FGF10: variants seen among roughly 807,000 people sequenced by gnomAD.
FGF10 encodes the protein fibroblast growth factor 10, also known as FGF-10.
Under a neutral mutation model 19.8 loss-of-function variants are expected in FGF10, and 2 were observed. That is an observed-to-expected ratio of 0.10 (90% CI 0.04 to 0.32). FGF10 has a LOEUF of 0.32. Among genes scored for constraint, FGF10 ranks in the 10% least tolerant of loss-of-function variants. The pLI, the probability that FGF10 is intolerant of heterozygous loss-of-function variation, is 1.00. For synonymous variants in FGF10, 112 were observed against 94.0 expected (o/e 1.19, Z -1.10); for missense variants, 191 against 246.3 (o/e 0.78, Z 1.50).
intron 1 of FGF10, among the ~76,000 whole-genome samples, chr5:44,332,867 G>C (rs570616656): frequency 5.3e-4 from 80 of 152,110 alleles, no homozygotes; most frequent in African/African-American, 1.8e-3. Flanking sequence ...GAAGGAGGAG[G>C]AGGAGAGAAA....
intron 1 of FGF10, among the ~76,000 whole-genome samples, chr5:44,318,954 A>G (rs1740418528): frequency 6.6e-6 from 1 of 152,212 alleles, no homozygotes; most frequent in African/African-American, 2.4e-5. Context: ...AGAGTCAGAG[A>G]AGATTTCGAA....
rs879715782 is a variant in FGF10, at chr5:44,301,355, T to C, written c.*3640A>G. On this transcript the variant is annotated 3_prime_UTR_variant, in exon 3 of 3. Coordinates refer to ENST00000264664, the MANE Select transcript of FGF10 (RefSeq NM_004465.2). ...TACTTCACTGAATAATCACAAACCT[T>C]GAATTGGCAGCATCCAAATTATTAG... Among the ~76,000 whole-genome samples the C allele has an allele frequency of 6.6e-5, 10 of 152,162 alleles. No individual in the cohort carries two copies. The highest frequency in any genetic ancestry group is 1.5e-4 in the Non-Finnish European group (10 of 68,020).
intron 1 of FGF10, among the ~76,000 whole-genome samples, chr5:44,340,825 T>A (rs2166831): frequency 1.4e-5 from 2 of 146,030 alleles, no homozygotes. Flanking sequence ...TGTCCTTTGC[T>A]CAAAAGAAAA....
rs1247731587 is a variant in FGF10, at chr5:44,303,652, T to C, written c.*1343A>G. 2.0e-5 allele frequency: 3 copies of C among 152,232 alleles called. No individual in the cohort carries two copies. The highest frequency in any genetic ancestry group is 1.9e-4 in the East Asian group (1 of 5,200). The allele number at this position is 152,232 out of a possible 1,614,324, so 9.4% of individuals were successfully genotyped here. A position where few individuals can be genotyped will look rare whatever the true frequency, so the allele number is the denominator to read the frequency against. On this transcript the variant is annotated 3_prime_UTR_variant, in exon 3 of 3. Coordinates refer to ENST00000264664, the MANE Select transcript of FGF10 (RefSeq NM_004465.2). ...AATGAATTTTGATATGGTTACATTA[T>C]GGAACTTTGTAAAGCTCTTTAAATT...
At chr5:44,378,577 G>T (rs910088115) in intron 1 of FGF10, among the ~76,000 whole-genome samples, 1 of 151,960 alleles carries the variant, frequency 6.6e-6, no homozygotes, top group Non-Finnish European at 1.5e-5. Flanking sequence ...GACCACAGGC[G>T]CCCGCCACCG....
chr5:44,361,375 G>T (rs957014843), intron 1 of FGF10, among the ~76,000 whole-genome samples: 1 of 151,578 alleles, frequency 6.6e-6, no homozygotes, highest in Non-Finnish European at 1.5e-5. Flanking sequence ...GCCACTCAAG[G>T]GGTCCACCCA....
At chr5:44,366,695 T>C (rs552126299) in intron 1 of FGF10, among the ~76,000 whole-genome samples, 4 of 152,132 alleles carry the variant, frequency 2.6e-5, no homozygotes, top group South Asian at 4.1e-4. Flanking sequence ...TAGTACAAGG[T>C]TCGCCAAAAG....
chr5:44,322,394 G>A (rs1740514271), intron 1 of FGF10, among the ~76,000 whole-genome samples: 1 of 152,148 alleles, frequency 6.6e-6, no homozygotes, highest in South Asian at 2.1e-4. Flanking sequence ...GATTTATAAA[G>A]AGGCTGAGCC....
chr5:44,377,085 A>G (rs2111905031), intron 1 of FGF10, among the ~76,000 whole-genome samples: 1 of 152,132 alleles, frequency 6.6e-6, no homozygotes, highest in South Asian at 2.1e-4. Context: ...TTTCCTGAAA[A>G]CTTCATGTTT....
In FGF10 at chr5:44,310,428, G is replaced by T; in HGVS notation, c.428C>A (p.Ser143Ter). 1 of 1,599,602 alleles carries T rather than the reference G, an allele frequency of 6.3e-7. No individual in the cohort carries two copies. The highest frequency in any genetic ancestry group is 1.1e-5 in the South Asian group (1 of 90,776). The change falls in exon 2 of 3, where the codon TCA (serine) becomes TAA (stop). Residue 143 changes from serine (S) to a stop codon, truncating the protein, a stop_gained and splice_region_variant. Transcript: ENST00000264664. LOFTEE classifies it high-confidence loss of function. ...AMNKKGKLYG[S>*]KEFNNDCKLK... is the part of the protein sequence containing the mutation. ...TGAAAACAAAAGCAGAATACTTACT[G>T]AGCCATAGAGTTTCCCCTTCTTGTT...
At chr5:44,352,693 C>G (rs1312562193) in intron 1 of FGF10, among the ~76,000 whole-genome samples, 1 of 151,582 alleles carries the variant, frequency 6.6e-6, no homozygotes, top group East Asian at 1.9e-4. Flanking sequence ...ACATTTGATT[C>G]TACCAAGAGA....
intron 1 of FGF10, among the ~76,000 whole-genome samples, chr5:44,387,173 T>C (rs150841609): frequency 1.7e-3 from 256 of 152,284 alleles, no homozygotes; most frequent in Middle Eastern, 3.4e-3. Context: ...CAATCAATAG[T>C]GGATGAATAA....
intron 1 of FGF10, among the ~76,000 whole-genome samples, chr5:44,314,014 T>TC (rs1478540622): frequency 6.6e-6 from 1 of 152,042 alleles, no homozygotes; most frequent in East Asian, 1.9e-4. Flanking sequence ...AAGGGGACTA[T>TC]GGGGCAAAGG....
intron 1 of FGF10, among the ~76,000 whole-genome samples, chr5:44,316,726 C>T (rs945164287): frequency 6.6e-6 from 1 of 152,132 alleles, no homozygotes; most frequent in African/African-American, 2.4e-5. Flanking sequence ...AATTAGTAAC[C>T]TCATTTTTGA....
intron 1 of FGF10, among the ~76,000 whole-genome samples, chr5:44,384,294 G>A (rs762874453): frequency 1.3e-5 from 2 of 152,102 alleles, no homozygotes; most frequent in Non-Finnish European, 2.9e-5. Flanking sequence ...ATTGATGTAT[G>A]TGTATTTTGT....
chr5:44,364,189 T>C (rs1354107043), intron 1 of FGF10, among the ~76,000 whole-genome samples: 2 of 151,752 alleles, frequency 1.3e-5, no homozygotes, highest in African/African-American at 2.4e-5. Flanking sequence ...AAAGCAAAAG[T>C]GGAAAATTAC....
intron 1 of FGF10, among the ~76,000 whole-genome samples, chr5:44,359,167 T>C (rs780527896): frequency 2.0e-5 from 3 of 151,492 alleles, no homozygotes; most frequent in Non-Finnish European, 4.4e-5. Context: ...TAAGCACCTT[T>C]GGAGAGTGCT....
intron 1 of FGF10, among the ~76,000 whole-genome samples, chr5:44,332,790 C>T (rs553655174): frequency 1.2e-4 from 18 of 151,844 alleles, no homozygotes; most frequent in African/African-American, 4.1e-4. Context: ...ACATATTTGG[C>T]ACAGGATATG....
intron 1 of FGF10, among the ~76,000 whole-genome samples, chr5:44,367,478 G>C (rs905592797): frequency 6.6e-6 from 1 of 151,946 alleles, no homozygotes; most frequent in Non-Finnish European, 1.5e-5. Context: ...TCTTATCAAA[G>C]GGCACAATAG....
Sources: allele counts gnomAD v4.1 joint callset (sites outside exome capture counted in the v4.1 genomes callset), GRCh38; gene constraint gnomAD v4.1.1; transcripts MANE v1.5; gene names NCBI Gene and HGNC (gene_info 2026-07-23, HGNC 2026-07-21).